The following UNC5D variants were observed in gnomAD, a reference collection of about 807,000 sequenced individuals.
UNC5D encodes the protein netrin receptor UNC5D.
UNC5D carries 39 observed loss-of-function variants against 105.4 expected under a neutral mutation model. The observed-to-expected ratio is 0.37, with a 90% CI of 0.29 to 0.48. The LOEUF (loss-of-function observed/expected upper bound fraction) is 0.48, where lower values mean the gene tolerates loss of function less well. Ranked by LOEUF, UNC5D falls within the 20% of genes least tolerant of loss-of-function variation. UNC5D has a pLI of 0.98. For missense variants in UNC5D, 991 were observed against 1,202.4 expected (o/e 0.82, Z 2.60); for synonymous variants, 452 against 450.4 (o/e 1.00, Z -0.04).
At chr8:35,391,462 C>A (rs934028162) in intron 1 of UNC5D, among the ~76,000 whole-genome samples, 2 of 152,164 alleles carry the variant, frequency 1.3e-5, no homozygotes, top group Non-Finnish European at 2.9e-5. Flanking sequence ...TTCTATAACT[C>A]TGTTTTTATA....
intron 8 of UNC5D, among the ~76,000 whole-genome samples, chr8:35,710,826 G>C (rs1218298473): frequency 6.6e-6 from 1 of 151,912 alleles, no homozygotes; most frequent in Non-Finnish European, 1.5e-5. Context: ...TTCTAGAGTT[G>C]CCTCTTTGTA....
At chr8:35,759,287 T>C in intron 13 of UNC5D, 33 bp from the exon 14 acceptor site, 1 of 1,608,894 alleles carries the variant, frequency 6.2e-7, no homozygotes. Flanking sequence ...GATATTTCAT[T>C]ATTGATCTTA....
chr8:35,302,080 G>A (rs767831609), intron 1 of UNC5D, among the ~76,000 whole-genome samples: 6 of 152,286 alleles, frequency 3.9e-5, no homozygotes, highest in Admixed American at 1.3e-4. Context: ...GATTAGAGGT[G>A]CTGGGGGAAG....
chr8:35,322,861 G>C (rs1006586969), intron 1 of UNC5D, among the ~76,000 whole-genome samples: 1 of 152,156 alleles, frequency 6.6e-6, no homozygotes. Flanking sequence ...AGGTTGGATT[G>C]ACAGGTTTAA....
At chr8:35,470,384 G>A (rs1457294935) in intron 1 of UNC5D, among the ~76,000 whole-genome samples, 1 of 151,902 alleles carries the variant, frequency 6.6e-6, no homozygotes. Flanking sequence ...TTGACCTAGG[G>A]GAATTGGCCA....
chr8:35,539,346 A>G (rs1366485179), intron 1 of UNC5D, among the ~76,000 whole-genome samples: 1 of 152,184 alleles, frequency 6.6e-6, no homozygotes, highest in Non-Finnish European at 1.5e-5. Flanking sequence ...AATGTTAACT[A>G]TATTTTCCCT....
intron 4 of UNC5D, among the ~76,000 whole-genome samples, chr8:35,678,203 T>C (rs1032619445): frequency 1.3e-5 from 2 of 152,176 alleles, no homozygotes; most frequent in Non-Finnish European, 2.9e-5. Context: ...CAAGGGAGGA[T>C]GTGAATCATC....
intron 1 of UNC5D, among the ~76,000 whole-genome samples, chr8:35,280,471 C>T (rs997642017): frequency 6.6e-6 from 1 of 152,114 alleles, no homozygotes; most frequent in Non-Finnish European, 1.5e-5. Flanking sequence ...TTTATTTCTG[C>T]ATTGGAATTG....
intron 1 of UNC5D, among the ~76,000 whole-genome samples, chr8:35,460,019 A>G (rs1335467555): frequency 6.6e-6 from 1 of 152,166 alleles, no homozygotes; most frequent in Non-Finnish European, 1.5e-5. Flanking sequence ...GCAATTAGTG[A>G]GTGTCAGCCA....
intron 4 of UNC5D, among the ~76,000 whole-genome samples, chr8:35,597,053 C>T (rs1041947492): frequency 6.6e-6 from 1 of 152,012 alleles, no homozygotes; most frequent in Admixed American, 6.6e-5. Context: ...AAGAAAAAAC[C>T]AGGAGGCTTT....
intron 16 of UNC5D, among the ~76,000 whole-genome samples, chr8:35,786,773 A>C (rs1802764278): frequency 6.6e-6 from 1 of 152,122 alleles, no homozygotes; most frequent in African/African-American, 2.4e-5. Flanking sequence ...CTTTCAAATC[A>C]CTACTAGCTA....
intron 1 of UNC5D, among the ~76,000 whole-genome samples, chr8:35,534,158 G>A (rs1229920037): frequency 1.3e-5 from 2 of 152,064 alleles, no homozygotes; most frequent in Non-Finnish European, 2.9e-5. Context: ...GTTTTCTTTT[G>A]TAGTTTTTTA....
chr8:35,682,464 TTA>T (rs1029664124), intron 4 of UNC5D, among the ~76,000 whole-genome samples: 1 of 152,176 alleles, frequency 6.6e-6, no homozygotes, highest in African/African-American at 2.4e-5. Context: ...ATTTCAGTTT[TTA>T]TGTGTCCGTT....
In UNC5D at chr8:35,372,820, T is replaced by C. The variant is rs533544857; in HGVS notation, c.103+136933T>C. 2.0e-5 allele frequency among the ~76,000 whole-genome samples: 3 copies of C among 152,202 alleles called. No homozygotes were observed. The South Asian group carries it at 6.2e-4, about 32-fold the overall frequency. On this transcript the variant is annotated intron_variant, in intron 1 of 16. Coordinates refer to ENST00000404895, the MANE Select transcript of UNC5D (RefSeq NM_080872.4). ...GTCTCACATTTTACCCAGGCTGGTG[T>C]CAAATTTCTGGCCTCAAGTGATCCT...
intron 1 of UNC5D, among the ~76,000 whole-genome samples, chr8:35,286,256 C>A (rs1329999014): frequency 6.6e-6 from 1 of 152,154 alleles, no homozygotes; most frequent in Admixed American, 6.5e-5. Flanking sequence ...TTTAACTTTA[C>A]TCACCTCACA....
chr8:35,389,999 T>C (rs1191460002), intron 1 of UNC5D, among the ~76,000 whole-genome samples: 1 of 152,228 alleles, frequency 6.6e-6, no homozygotes, highest in African/African-American at 2.4e-5. Context: ...AGAGCTTTAA[T>C]TCGCTCTTGG....
At position 35,415,150 on chromosome 8, in the gene UNC5D, C is replaced by T. The variant is rs145502016; in HGVS notation, c.104-134142C>T. The stretch of plus-strand genomic sequence containing the variant: ...TATTTTGTCTCTCCCAACATTATTA[C>T]AGAAGTTATGATAGATTTTTCTTCT... On this transcript the variant is annotated intron_variant, in intron 1 of 16. Coordinates refer to ENST00000404895, the MANE Select transcript of UNC5D (RefSeq NM_080872.4). Among the ~76,000 whole-genome samples, 4 of 152,172 alleles carry T rather than the reference C, an allele frequency of 2.6e-5. No individual in the cohort carries two copies. In the East Asian group the frequency reaches 5.8e-4, roughly 22 times the overall value.
chr8:35,572,979 A>G (rs1263332834), intron 3 of UNC5D, among the ~76,000 whole-genome samples: 1 of 151,736 alleles, frequency 6.6e-6, no homozygotes, highest in Non-Finnish European at 1.5e-5. Flanking sequence ...AATTTTTTAT[A>G]TTTTTAGTAG....
At chr8:35,402,369 G>C (rs1804523809) in intron 1 of UNC5D, among the ~76,000 whole-genome samples, 1 of 152,134 alleles carries the variant, frequency 6.6e-6, no homozygotes, top group Non-Finnish European at 1.5e-5. Context: ...AGAGCCAAAT[G>C]AAAGGGGCTT....
Sources: allele counts gnomAD v4.1 joint callset (sites outside exome capture counted in the v4.1 genomes callset), GRCh38; gene constraint gnomAD v4.1.1; transcripts MANE v1.5; gene names NCBI Gene and HGNC (gene_info 2026-07-23, HGNC 2026-07-21).